SPTA1: variants seen among roughly 807,000 people sequenced by gnomAD.
SPTA1 encodes the protein spectrin alpha, erythrocytic 1, also known as spectrin alpha chain, erythrocytic 1.
A neutral mutation model predicts 324.7 loss-of-function variants in SPTA1; 177 were observed. That is an observed-to-expected ratio of 0.55 (90% CI 0.48 to 0.62). The LOEUF (loss-of-function observed/expected upper bound fraction) is 0.62. Ranked by LOEUF, SPTA1 falls within the 20% of genes least tolerant of loss-of-function variation. SPTA1 has a pLI of 0.00. For missense variants in SPTA1, 3,162 were observed against 2,883.6 expected, an observed-to-expected ratio of 1.10 and a Z score of -2.21; for synonymous variants, 1,195 against 1,041.3, an observed-to-expected ratio of 1.15 and a Z score of -2.84.
At chr1:158,664,180 A>G (rs758039704) in intron 16 of SPTA1, among the ~76,000 whole-genome samples, 1 of 152,194 alleles carries the variant, frequency 6.6e-6, no homozygotes, top group Non-Finnish European at 1.5e-5. Flanking sequence ...ATTACGGGGT[A>G]TATACCCAAA....
Position 158,661,361 on chromosome 1 carries a change from A to G in SPTA1, c.2513T>C (p.Ile838Thr), listed in dbSNP as rs1454710790. The change falls in exon 18 of 52, where the codon ATC becomes ACC. Residue 838 changes from isoleucine to threonine, a missense_variant. Transcript: ENST00000643759. Reference sequence around the variant, plus strand: ...TTCATGGCTGGCAATGTTCTCCAGGATGACTCTATGCCTATTCAGAAGCTT... The same window carrying G: ...TTCATGGCTGGCAATGTTCTCCAGGGTGACTCTATGCCTATTCAGAAGCTT... Reference protein sequence around the residue: ...SKKLLNRHRVILENIASHEPR... With the variant: ...SKKLLNRHRVTLENIASHEPR... 2.5e-6 allele frequency: 4 copies of G among 1,613,862 alleles called. No individual in the cohort carries two copies. The highest frequency in any genetic ancestry group is 3.4e-6 in the Non-Finnish European group (4 of 1,179,884).
In SPTA1 at chr1:158,637,992, C is replaced by T. The variant is rs202022521; in HGVS notation, c.5189+41G>A. 4.7e-5 allele frequency: 75 copies of T among 1,601,026 alleles called. No homozygotes were observed. The highest frequency in any genetic ancestry group is 5.6e-5 in the Non-Finnish European group (66 of 1,170,480). ...GAACAAGTTTGGTGGATTATCTACT[C>T]GCTTGTATTATCCACACATTTTTGA... On this transcript the variant is annotated intron_variant, in intron 36 of 51. Transcript: ENST00000643759.
rs772886622 is a variant in SPTA1, at chr1:158,634,580, A to G, written c.5528T>C (p.Val1843Ala). The G allele has an allele frequency of 1.4e-5, 22 of 1,614,142 alleles. No individual in the cohort carries two copies. The Admixed American group carries it at 2.7e-4, about 20-fold the overall frequency. ...TAATGTATCTCCACAATCTCCTCGG[A>G]CAGCCAAAGCATTCTTTTCATTGAT... ...AWINEKNALAVRGDCGDTLAA... is the reference protein window; with the variant it reads ...AWINEKNALAARGDCGDTLAA... The change falls in exon 39 of 52, where the codon GTC becomes GCC. Residue 1843 changes from valine to alanine, a missense_variant. By Grantham distance (64) the Val-to-Ala change is moderately conservative. Transcript: ENST00000643759.
At chr1:158,628,637 A>G (rs1474362588) in intron 39 of SPTA1, among the ~76,000 whole-genome samples, 1 of 152,184 alleles carries the variant, frequency 6.6e-6, no homozygotes, top group African/African-American at 2.4e-5. Flanking sequence ...TGTATGACTG[A>G]AAGCCTGAAT....
intron 39 of SPTA1, among the ~76,000 whole-genome samples, chr1:158,633,415 C>T (rs1163379380): frequency 6.6e-6 from 1 of 152,002 alleles, no homozygotes; most frequent in Non-Finnish European, 1.5e-5. Context: ...AATCCCAGCA[C>T]TTTGGGAGGC....
intron 40 of SPTA1, 111 bp from the exon 41 acceptor site, chr1:158,627,118 T>C: frequency 7.1e-7 from 1 of 1,400,094 alleles, no homozygotes; most frequent in South Asian, 1.2e-5. Flanking sequence ...TATAACCAAG[T>C]GTGACCGTCT....
At position 158,666,814 on chromosome 1, in the gene SPTA1, C is replaced by T. The variant is rs780564855; in HGVS notation, c.2039-317G>A. Among the ~76,000 whole-genome samples the T allele has an allele frequency of 7.2e-5, 11 of 152,250 alleles. 1 individual carries two copies. The highest frequency in any genetic ancestry group is 1.5e-4 in the Non-Finnish European group (10 of 68,008). On this transcript the variant is annotated intron_variant, in intron 15 of 51. Coordinates refer to ENST00000643759, the MANE Select transcript of SPTA1 (RefSeq NM_003126.4). The stretch of plus-strand genomic sequence containing the variant: ...TGATTTTTACTCTCTATCCAGACCT[C>T]TTTTTCAAGGAAATTCAAATCCAAA...
chr1:158,629,039 T>C (rs528606294), intron 39 of SPTA1, among the ~76,000 whole-genome samples: 2 of 151,968 alleles, frequency 1.3e-5, no homozygotes, highest in East Asian at 1.9e-4. Flanking sequence ...TTTCAAAAAA[T>C]TTAAGAGGAG....
At position 158,613,838 on chromosome 1, in the gene SPTA1, AG is replaced by A. The variant is rs1396249069; in HGVS notation, c.6871del (p.Leu2291Ter). ...GCAGGACCGGAACTCTTTGTGAGTC[AG>A]GCGCCCTGTCAAATTCTCATCAAAG... ...KHFDENLTGR[L>X]THKEFRSCLR... On this transcript the variant is annotated frameshift_variant, in exon 50 of 52. Coordinates refer to ENST00000643759, the MANE Select transcript of SPTA1 (RefSeq NM_003126.4). LOFTEE classifies it high-confidence loss of function. The A allele has an allele frequency of 3.1e-6, 5 of 1,613,924 alleles. No homozygotes were observed. The highest frequency in any genetic ancestry group is 4.2e-6 in the Non-Finnish European group (5 of 1,179,906).
In SPTA1 at chr1:158,639,782, A is replaced by G. The variant is rs369846271; in HGVS notation, c.4875+88T>C. ...ATGTCCCCAAACTTTTCCCAGGAAA[A>G]TTCAAGGAAATTGCCCATGGGTAAA... On this transcript the variant is annotated intron_variant, in intron 34 of 51. Transcript: ENST00000643759. 1.7e-4 allele frequency: 273 copies of G among 1,612,644 alleles called. No homozygotes were observed. In the African/African-American group the frequency reaches 3.1e-3, roughly 18 times the overall value.
Position 158,649,942 on chromosome 1 carries a change from C to T in SPTA1, c.3483G>A (p.Leu1161=). The change falls in exon 25 of 52, where the codon TTG becomes TTA. Residue 1161 remains leucine, a synonymous_variant. Transcript: ENST00000643759. ...TPEGAQIRQE[L]NSRWGSLQRL... is the part of the protein sequence containing the mutation. ...TCTGCAAAGAACCCCAGCGGGAATT[C>T]AATTCCTAAAAGAGGCAAAAACATC... is the stretch of plus-strand genomic sequence containing the variant. 1 of 1,612,044 alleles carries T rather than the reference C, an allele frequency of 6.2e-7. No homozygotes were observed. The highest frequency in any genetic ancestry group is 8.5e-7 in the Non-Finnish European group (1 of 1,178,870).
In SPTA1 at chr1:158,683,432, T is replaced by A. The variant is rs368253777; in HGVS notation, c.329A>T (p.Glu110Val). The A allele has an allele frequency of 2.2e-4, 351 of 1,613,374 alleles. No homozygotes were observed. The highest frequency in any genetic ancestry group is 4.8e-4 in the Admixed American group (29 of 59,924). Reference protein sequence around the residue: ...EVQTKSRLMSELEKTREERFT... With the variant: ...EVQTKSRLMSVLEKTREERFT... ...TCGTTCTTCCCTTGTTTTTTCCAGT[T>A]CAGACATGAGTCTTGATTTTGTTTG... The change falls in exon 3 of 52, where the codon GAA becomes GTA. Residue 110 changes from glutamate (E) to valine (V), a missense_variant. Physicochemically the swap from Glu to Val is moderately radical, Grantham distance 121. Transcript: ENST00000643759.
In SPTA1 at chr1:158,674,574, C is replaced by A; in HGVS notation, c.1214G>T (p.Gly405Val). The A allele has an allele frequency of 6.2e-7, 1 of 1,614,156 alleles. No individual in the cohort carries two copies. Among genetic ancestry groups the A allele is most frequent in the Non-Finnish European group, 8.5e-7 (1 of 1,180,008 alleles). Residue 405 changes from glycine to valine, a missense_variant, in exon 9 of 52, where the codon GGA becomes GTA. Transcript: ENST00000643759. ...ADELPTDVAG[G>V]EVLLDRHQQH... The stretch of plus-strand genomic sequence containing the variant: ...CTGATGCCTGTCCAGCAGAACTTCT[C>A]CACCAGCCACATCTGTTGGCAGCTC...
At chr1:158,618,862 C>T (rs1045005560) in intron 45 of SPTA1, among the ~76,000 whole-genome samples, 6 of 152,104 alleles carry the variant, frequency 3.9e-5, no homozygotes, top group African/African-American at 1.4e-4. Context: ...GTTGCTCCGA[C>T]AGTTAAGTGA....
In SPTA1 at chr1:158,672,223, T is replaced by A. The variant is rs150446860; in HGVS notation, c.1351-27A>T. The A allele has an allele frequency of 1.5e-4, 235 of 1,593,446 alleles. No homozygotes were observed. In the African/African-American group the frequency reaches 2.7e-3, roughly 18 times the overall value. On this transcript the variant is annotated intron_variant, in intron 10 of 51. Transcript: ENST00000643759. Reference sequence around the variant, plus strand: ...TTTGGAAAGAAGGAGATAATGTATATGGAAGATAATTAATTTATTTTATTC... The same window carrying A: ...TTTGGAAAGAAGGAGATAATGTATAAGGAAGATAATTAATTTATTTTATTC...
At chr1:158,614,105 C>G in intron 49 of SPTA1, 148 bp downstream of exon 49, 1 of 803,844 alleles carries the variant, frequency 1.2e-6, no homozygotes, top group Non-Finnish European at 2.0e-6. Context: ...GAAAATCTCA[C>G]AGAAAGCCAT....
chr1:158,635,201 G>A (rs1214919228), intron 38 of SPTA1, among the ~76,000 whole-genome samples: 1 of 152,146 alleles, frequency 6.6e-6, no homozygotes, highest in African/African-American at 2.4e-5. Context: ...TATCAGGGGA[G>A]GGGCCTGGTG....
At chr1:158,625,942 TA>T (rs538168020) in intron 42 of SPTA1, among the ~76,000 whole-genome samples, 12 of 150,434 alleles carry the variant, frequency 8.0e-5, no homozygotes, top group Admixed American at 2.6e-4. Flanking sequence ...GTTGGTTGTC[TA>T]AAAAAAAATT....
At chr1:158,654,923 A>C (rs1571463263) in intron 20 of SPTA1, among the ~76,000 whole-genome samples, 175 bp from the exon 21 acceptor site, 1 of 152,222 alleles carries the variant, frequency 6.6e-6, no homozygotes, top group East Asian at 1.9e-4. Flanking sequence ...CTCCATTCTG[A>C]CACTTATCGG....
Sources: allele counts gnomAD v4.1 joint callset (sites outside exome capture counted in the v4.1 genomes callset), GRCh38; gene constraint gnomAD v4.1.1; transcripts MANE v1.5; gene names NCBI Gene and HGNC (gene_info 2026-07-23, HGNC 2026-07-21).